MYO1E: variants seen among roughly 807,000 people sequenced by gnomAD.
The protein encoded by MYO1E is unconventional myosin-Ie.
MYO1E carries 68 observed loss-of-function variants against 151.1 expected under a neutral mutation model. The observed-to-expected ratio is 0.45, with a 90% CI of 0.37 to 0.55. The LOEUF (loss-of-function observed/expected upper bound fraction) is 0.55, where lower values mean the gene tolerates loss of function less well. Among genes scored for constraint, MYO1E ranks in the 20% least tolerant of loss-of-function variants. MYO1E has a pLI of 0.00. For missense variants in MYO1E, 1,363 were observed against 1,389.3 expected, an observed-to-expected ratio of 0.98 and a Z score of 0.30; for synonymous variants, 601 against 501.7, an observed-to-expected ratio of 1.20 and a Z score of -2.64.
intron 19 of MYO1E, among the ~76,000 whole-genome samples, chr15:59,176,791 C>T (rs1338899487): frequency 6.6e-6 from 1 of 152,032 alleles, no homozygotes; most frequent in East Asian, 1.9e-4. Flanking sequence ...AAAGTATTTG[C>T]ATGTCAGGGC....
At chr15:59,157,697 CGCTTCCTTTAAGTA>C (rs1290914268) in intron 25 of MYO1E, among the ~76,000 whole-genome samples, 4 of 152,194 alleles carry the variant, frequency 2.6e-5, no homozygotes, top group African/African-American at 7.2e-5. Context: ...TAAGTGAAAG[CGCTTCCTTTAAGTA>C]AATTCAGTAA....
At chr15:59,143,560 A>C (rs1169621938) in intron 26 of MYO1E, among the ~76,000 whole-genome samples, 4 of 152,132 alleles carry the variant, frequency 2.6e-5, no homozygotes, top group Non-Finnish European at 4.4e-5. Context: ...GGGCTAGCAG[A>C]CAGGATGTCT....
chr15:59,135,416 G>C lies in MYO1E; in HGVS notation c.*1964C>G, dbSNP rs1339111056. 1.3e-5 allele frequency: 2 copies of C among 152,304 alleles called. No individual in the cohort carries two copies. The highest frequency in any genetic ancestry group is 4.8e-5 in the African/African-American group (2 of 41,452). 9.4% of individuals were successfully genotyped at this position (152,304 alleles called of 1,614,324 possible). A position where few individuals can be genotyped will look rare whatever the true frequency, so the allele number is the denominator to read the frequency against. On this transcript the variant is annotated 3_prime_UTR_variant, in exon 28 of 28. Transcript: ENST00000288235. ...GAACGCAGCCTGAGTGCTGGTGGCTGTGGGGACTCCAGCATGCTCCTCTGT... is the reference window on the plus strand; with the variant it reads ...GAACGCAGCCTGAGTGCTGGTGGCTCTGGGGACTCCAGCATGCTCCTCTGT...
intron 1 of MYO1E, among the ~76,000 whole-genome samples, chr15:59,325,542 G>A (rs1396314601): frequency 6.6e-6 from 1 of 152,142 alleles, no homozygotes; most frequent in Non-Finnish European, 1.5e-5. Flanking sequence ...GAGTTTGATA[G>A]TGCAATCCAA....
intron 5 of MYO1E, among the ~76,000 whole-genome samples, 156 bp downstream of exon 5, chr15:59,236,429 T>A (rs368620128): frequency 5.8e-5 from 8 of 138,582 alleles, no homozygotes; most frequent in African/African-American, 8.1e-5. Flanking sequence ...CAAACACACA[T>A]ACATATGCTA....
At chr15:59,167,316 G>GGT (rs1253048579) in intron 22 of MYO1E, among the ~76,000 whole-genome samples, 1 of 152,088 alleles carries the variant, frequency 6.6e-6, no homozygotes, top group Non-Finnish European at 1.5e-5. Flanking sequence ...TCATCCTTCT[G>GGT]GTGATCAGCC....
chr15:59,163,013 G>T (rs1351341595), intron 23 of MYO1E, 144 bp downstream of exon 23: 7 of 863,744 alleles, frequency 8.1e-6, no homozygotes, highest in Non-Finnish European at 1.3e-5. Flanking sequence ...ACTGTCTTCT[G>T]CAGGCTCTAA....
Position 59,138,318 on chromosome 15 carries a change from T to C in MYO1E, c.3130A>G (p.Lys1044Glu). The C allele has an allele frequency of 1.9e-6, 3 of 1,614,190 alleles. No individual in the cohort carries two copies. The highest frequency in any genetic ancestry group is 2.5e-6 in the Non-Finnish European group (3 of 1,180,024). The change falls in exon 27 of 28, where the codon AAG becomes GAG. Residue 1044 changes from lysine to glutamate, a missense_variant. By Grantham distance (56) the Lys-to-Glu change is moderately conservative. Coordinates refer to ENST00000288235, the MANE Select transcript of MYO1E (RefSeq NM_004998.4). ...SRPPPAGGRP[K>E]PQPKPKPQVP... is the part of the protein sequence containing the mutation. ...TGAGGCTTGGGCTTGGGCTGGGGCT[T>C]GGGTCTGCCCCCTGCTGGGGGAGGC... is the stretch of plus-strand genomic sequence containing the variant.
intron 1 of MYO1E, among the ~76,000 whole-genome samples, chr15:59,367,137 G>C (rs1212339218): frequency 4.6e-5 from 7 of 151,892 alleles, no homozygotes; most frequent in African/African-American, 1.7e-4. Flanking sequence ...GCTTGTTGAA[G>C]CAGATAAAAA....
intron 6 of MYO1E, among the ~76,000 whole-genome samples, chr15:59,228,223 C>T (rs2080003709): frequency 6.6e-6 from 1 of 152,116 alleles, no homozygotes; most frequent in South Asian, 2.1e-4. Context: ...TGGCTCACGC[C>T]TGTAATCCCA....
intron 4 of MYO1E, among the ~76,000 whole-genome samples, chr15:59,245,943 C>G (rs184892029): frequency 6.6e-6 from 1 of 152,272 alleles, no homozygotes; most frequent in African/African-American, 2.4e-5. Flanking sequence ...AGAGATGTCT[C>G]TTGACATCCA....
Position 59,136,758 on chromosome 15 carries a change from C to T in MYO1E, c.*622G>A, listed in dbSNP as rs1040143263. 1.1e-5 allele frequency: 5 copies of T among 456,332 alleles called. No homozygotes were observed. Among genetic ancestry groups the T allele is most frequent in the African/African-American group, 1.0e-4 (5 of 50,038 alleles). The allele number at this position is 456,332 out of a possible 1,614,324, so 28.3% of individuals were successfully genotyped here. A position where few individuals can be genotyped will look rare whatever the true frequency, so the allele number is the denominator to read the frequency against. On this transcript the variant is annotated 3_prime_UTR_variant, in exon 28 of 28. Coordinates refer to ENST00000288235, the MANE Select transcript of MYO1E (RefSeq NM_004998.4). ...AGAAAGCAAAGCCAGCAGCCCAGCC[C>T]CCAGCCCCCAGCCCCTGACCTGCTT... is the stretch of plus-strand genomic sequence containing the variant.
intron 1 of MYO1E, among the ~76,000 whole-genome samples, chr15:59,339,506 T>C (rs1162746917): frequency 1.3e-5 from 2 of 152,192 alleles, no homozygotes; most frequent in African/African-American, 4.8e-5. Context: ...TCCTATTGAC[T>C]GCCTTCATCC....
intron 26 of MYO1E, among the ~76,000 whole-genome samples, chr15:59,147,397 C>T (rs1374259630): frequency 6.6e-6 from 1 of 151,920 alleles, no homozygotes; most frequent in African/African-American, 2.4e-5. Flanking sequence ...GCCAGGAGTT[C>T]GAGACCAGCC....
intron 12 of MYO1E, among the ~76,000 whole-genome samples, chr15:59,213,722 A>T (rs2079895876): frequency 6.6e-6 from 1 of 152,132 alleles, no homozygotes; most frequent in Non-Finnish European, 1.5e-5. Flanking sequence ...CGGCCTCCCA[A>T]AGTGCTAGGA....
At chr15:59,282,852 G>C (rs1456168897) in intron 1 of MYO1E, among the ~76,000 whole-genome samples, 1 of 85,528 alleles carries the variant, frequency 1.2e-5, no homozygotes, top group East Asian at 3.4e-4. Flanking sequence ...AGAAAGAGAA[G>C]GGAAGGAAAG....
chr15:59,316,000 C>G (rs74784184), intron 1 of MYO1E, among the ~76,000 whole-genome samples: 1 of 152,080 alleles, frequency 6.6e-6, no homozygotes, highest in South Asian at 2.1e-4. Flanking sequence ...CTGAGGCACC[C>G]GTGGGCCAAC....
chr15:59,164,491 C>G (rs76143380), intron 22 of MYO1E, among the ~76,000 whole-genome samples: 14,601 of 152,244 alleles, frequency 0.096, 740 homozygotes, highest in Middle Eastern at 0.16. Context: ...CTGCTCTGCT[C>G]TCAGAGCACC....
chr15:59,190,727 G>A (rs1306460683), intron 17 of MYO1E, among the ~76,000 whole-genome samples: 2 of 152,178 alleles, frequency 1.3e-5, no homozygotes, highest in Non-Finnish European at 2.9e-5. Flanking sequence ...TTCTAGACGA[G>A]TACTTTCTAT....
Sources: gnomAD v4.1 joint callset for allele counts (sites outside exome capture counted in the v4.1 genomes callset) on GRCh38, gnomAD v4.1.1 for gene constraint, MANE v1.5 for transcripts, NCBI Gene and HGNC (gene_info 2026-07-23, HGNC 2026-07-21) for gene names.